MROH7: variants seen among roughly 807,000 people sequenced by gnomAD.
The protein encoded by MROH7 is maestro heat-like repeat-containing protein family member 7.
A neutral mutation model predicts 129.2 loss-of-function variants in MROH7; 113 were observed. The ratio of observed to expected loss-of-function variants is 0.87; its 90% CI spans 0.75 to 1.02. The LOEUF (loss-of-function observed/expected upper bound fraction) is 1.02. MROH7 is among the 50% of genes least tolerant of loss of function. MROH7 has a pLI of 0.00. For missense variants in MROH7, 1,601 were observed against 1,671.3 expected, an observed-to-expected ratio of 0.96 and a Z score of 0.73; for synonymous variants, 655 against 667.9, an observed-to-expected ratio of 0.98 and a Z score of 0.30.
rs142396426 is a variant in MROH7, at chr1:54,702,130, G to A, written c.3326G>A (p.Gly1109Glu). Residue 1109 changes from glycine to glutamate, a missense_variant, in exon 20 of 24, where the codon GGG becomes GAG. By Grantham distance (98) the Gly-to-Glu change is moderately conservative (BLOSUM62 -2). Coordinates refer to ENST00000421030, the MANE Select transcript of MROH7 (RefSeq NM_001039464.4). ...CGCTCCTCCTGCATCAACCTGTATG[G>A]GAAGGTGGTCCAGAAGCTTCGGGCA... is the stretch of plus-strand genomic sequence containing the variant. ...VVRSSCINLY[G>E]KVVQKLRAPR... 7.1e-5 allele frequency: 114 copies of A among 1,611,898 alleles called. No homozygotes were observed. In the East Asian group the frequency reaches 2.5e-3, roughly 35 times the overall value.
chr1:54,651,747 C>T (rs529454415), intron 1 of MROH7: 8 of 152,366 alleles, frequency 5.3e-5, no homozygotes, highest in African/African-American at 1.9e-4. Flanking sequence ...TGACCTTCCT[C>T]TCTTTGACCT....
At chr1:54,670,660 TCCCCCAACCCG>T in intron 6 of MROH7, 84 bp downstream of exon 6, 1 of 1,061,804 alleles carries the variant, frequency 9.4e-7, no homozygotes, top group Non-Finnish European at 1.3e-6. Context: ...CGCTGTACCC[TCCCCCAACCCG>T]CCCCCACCCC....
chr1:54,657,309 CA>C (rs1234830213), intron 3 of MROH7, among the ~76,000 whole-genome samples: 1 of 152,098 alleles, frequency 6.6e-6, no homozygotes, highest in Non-Finnish European at 1.5e-5. Flanking sequence ...CTCAGCCTCC[CA>C]AAGTGCTGAG....
intron 17 of MROH7, among the ~76,000 whole-genome samples, chr1:54,696,181 A>G (rs2101189293): frequency 6.6e-6 from 1 of 151,474 alleles, no homozygotes; most frequent in South Asian, 2.1e-4. Flanking sequence ...GTTTTAGAGA[A>G]AAAAAACCCT....
chr1:54,705,322 C>T (rs1268197704), intron 21 of MROH7, among the ~76,000 whole-genome samples: 1 of 152,214 alleles, frequency 6.6e-6, no homozygotes, highest in Admixed American at 6.5e-5. Context: ...TCATCTGACA[C>T]TTTTGGGGCA....
In MROH7 at chr1:54,678,911, C is replaced by T. The variant is rs1362402823; in HGVS notation, c.2049+57C>T. The T allele has an allele frequency of 3.0e-6, 4 of 1,330,224 alleles. No homozygotes were observed. The African/African-American group carries it at 5.8e-5, about 19-fold the overall frequency. The allele number at this position is 1,330,224 out of a possible 1,614,324, so 82.4% of individuals were successfully genotyped here. A position where few individuals can be genotyped will look rare whatever the true frequency, so the allele number is the denominator to read the frequency against. ...GGTGGGGGGTGAGGAGGGGCAGTGC[C>T]ACCTGGCCCCAAAGCTTTCTTCCCT... is the stretch of plus-strand genomic sequence containing the variant. On this transcript the variant is annotated intron_variant, in intron 11 of 23. Transcript: ENST00000421030.
intron 22 of MROH7, among the ~76,000 whole-genome samples, chr1:54,707,417 G>T (rs1645551827): frequency 3.9e-5 from 6 of 152,132 alleles, no homozygotes; most frequent in Non-Finnish European, 8.8e-5. Flanking sequence ...TTTAGCAAAC[G>T]TTGATTCCGT....
At chr1:54,688,703 G>A (rs1216827522) in intron 15 of MROH7, among the ~76,000 whole-genome samples, 2 of 152,234 alleles carry the variant, frequency 1.3e-5, no homozygotes, top group African/African-American at 2.4e-5. Flanking sequence ...TTTGCCCGCA[G>A]TGCGGCCAGT....
At position 54,653,922 on chromosome 1, in the gene MROH7, T is replaced by G; in HGVS notation, c.996T>G (p.Gly332=). ...CCTCATGCATGACTCTAATCCTGGG[T>G]TCCAATGAGACTCTGAGCCTGGACT... is the stretch of plus-strand genomic sequence containing the variant. ...SPPSCMTLIL[G]SNETLSLDSS... The change falls in exon 3 of 24, where the codon GGT becomes GGG. Residue 332 remains glycine, a synonymous_variant. Transcript: ENST00000421030. 1.9e-6 allele frequency: 3 copies of G among 1,614,018 alleles called. No individual in the cohort carries two copies. Among genetic ancestry groups the G allele is most frequent in the Non-Finnish European group, 2.5e-6 (3 of 1,179,994 alleles).
chr1:54,663,697 A>AC, intron 3 of MROH7: 3 of 399,162 alleles, frequency 7.5e-6, no homozygotes, highest in Non-Finnish European at 1.4e-5. Flanking sequence ...AAAAAAAAAA[A>AC]AAAACAAAAA....
intron 21 of MROH7, among the ~76,000 whole-genome samples, chr1:54,705,709 G>A (rs192484794): frequency 4.1e-4 from 62 of 152,310 alleles, no homozygotes; most frequent in Admixed American, 1.3e-3. Context: ...GGCATGACAG[G>A]TGGAGTCAGT....
intron 3 of MROH7, 104 bp downstream of exon 3, chr1:54,654,261 A>G (rs1209156268): frequency 2.2e-5 from 25 of 1,134,042 alleles, no homozygotes; most frequent in Non-Finnish European, 2.9e-5. Flanking sequence ...GACAGCAGGC[A>G]GTTGATAACA....
At chr1:54,697,631 G>A (rs971762334) in intron 17 of MROH7, 3 of 701,636 alleles carry the variant, frequency 4.3e-6, no homozygotes, top group Admixed American at 2.0e-5. Flanking sequence ...TCTTTCAAAT[G>A]TTATTTCACT....
chr1:54,695,803 TG>T, intron 17 of MROH7: 1 of 391,722 alleles, frequency 2.6e-6, no homozygotes, highest in Middle Eastern at 7.4e-4. Flanking sequence ...AAGGAATTTT[TG>T]GTGTGGCAGA....
intron 18 of MROH7, 97 bp downstream of exon 18, chr1:54,700,558 G>C: frequency 8.4e-7 from 1 of 1,188,930 alleles, no homozygotes; most frequent in South Asian, 1.6e-5. Context: ...CCCACAGCTG[G>C]AATGAGACAT....
Position 54,673,153 on chromosome 1 carries a change from C to T in MROH7, c.1662C>T (p.Asp554=). ...TGCTCAAAGCCCTCTTTATCGAGGA[C>T]CCCACTCCTGCTGGGCTGAAGAGCA... ...QTLLKALFIE[D]PTPAGLKSIL... Residue 554 remains aspartate (D), a synonymous_variant, in exon 8 of 24, where the codon GAC becomes GAT. Coordinates refer to ENST00000421030, the MANE Select transcript of MROH7 (RefSeq NM_001039464.4). 2 of 1,613,862 alleles carry T rather than the reference C, an allele frequency of 1.2e-6. No individual in the cohort carries two copies. The highest frequency in any genetic ancestry group is 8.5e-7 in the Non-Finnish European group (1 of 1,179,856).
rs116169757 is a variant in MROH7 at position 54,671,692 on chromosome 1, A to G, written c.1599+763A>G. 8.8e-3 allele frequency among the ~76,000 whole-genome samples: 1,333 copies of G among 152,302 alleles called. 26 individuals are homozygous for G. Among genetic ancestry groups the G allele is most frequent in the African/African-American group, 0.031 (1,282 of 41,574 alleles). ...GGAGTGAGGGTCAGTGGGGAAGGTT[A>G]AGGCAAAGGGTTTTAGCGCAGGGTG... On this transcript the variant is annotated intron_variant, in intron 7 of 23. Transcript: ENST00000421030.
At chr1:54,660,567 A>G (rs955983595) in intron 3 of MROH7, among the ~76,000 whole-genome samples, 1 of 152,192 alleles carries the variant, frequency 6.6e-6, no homozygotes, top group Non-Finnish European at 1.5e-5. Flanking sequence ...TAATCCCAGC[A>G]CTTTGGGAGG....
In MROH7 at chr1:54,695,477, CCTT is replaced by C. The variant is rs1292732914; in HGVS notation, c.2956_2958del (p.Phe986del). The C allele has an allele frequency of 1.2e-6, 2 of 1,613,212 alleles. No homozygotes were observed. The highest frequency in any genetic ancestry group is 1.7e-6 in the Non-Finnish European group (2 of 1,179,608). ...GAGAAGCACAGGATCACGGCCACCGCCTTCTTCGTGGAGGTACCAACGGGGGCA... is the reference window on the plus strand; with the variant it reads ...GAGAAGCACAGGATCACGGCCACCGCCTTCGTGGAGGTACCAACGGGGGCA... On this transcript the variant is annotated inframe_deletion, in exon 17 of 24. Coordinates refer to ENST00000421030, the MANE Select transcript of MROH7 (RefSeq NM_001039464.4).
Sources: gnomAD v4.1 joint callset for allele counts (sites outside exome capture counted in the v4.1 genomes callset) on GRCh38, gnomAD v4.1.1 for gene constraint, MANE v1.5 for transcripts, NCBI Gene and HGNC (gene_info 2026-07-23, HGNC 2026-07-21) for gene names.